STPG2: variants seen among roughly 807,000 people sequenced by gnomAD.
STPG2 encodes the protein sperm tail PG-rich repeat containing 2.
A neutral mutation model predicts 54.2 loss-of-function variants in STPG2; 56 were observed. The observed-to-expected ratio is 1.03, with a 90% CI of 0.83 to 1.29. STPG2 has a LOEUF of 1.29. STPG2 is among the 50% of genes most tolerant of loss of function. The pLI is 0.00. For synonymous variants in STPG2, 200 were observed against 181.8 expected (o/e 1.10, Z -0.81); for missense variants, 596 against 544.9 (o/e 1.09, Z -0.93).
intron 10 of STPG2, among the ~76,000 whole-genome samples, chr4:97,680,579 G>A (rs1723001746): frequency 2.0e-5 from 3 of 152,064 alleles, no homozygotes; most frequent in East Asian, 3.9e-4. Flanking sequence ...CTGCAAACAG[G>A]GACAATTAGA....
At chr4:97,590,424 T>G (rs1466960621) in intron 10 of STPG2, among the ~76,000 whole-genome samples, 1 of 151,952 alleles carries the variant, frequency 6.6e-6, no homozygotes, top group African/African-American at 2.4e-5. Context: ...AAAGGGTAAA[T>G]TAGAAGGTAT....
rs1317088287 is a variant in STPG2 at position 97,669,788 on chromosome 4, G to A, written c.1320+42911C>T. ...TCCGCAGTCCGGCCTGGGCAACAGA[G>A]CGAGACTCCGTCTCAAAAAAAAAAA... is the stretch of plus-strand genomic sequence containing the variant. On this transcript the variant is annotated intron_variant, in intron 10 of 10. Transcript: ENST00000295268. Among the ~76,000 whole-genome samples, 7 of 25,720 alleles carry A rather than the reference G, an allele frequency of 2.7e-4. 3 individuals carry two copies. The highest frequency in any genetic ancestry group is 1.7e-3 in the African/African-American group (7 of 4,190). 16.9% of individuals were successfully genotyped at this position (25,720 alleles called of 152,430 possible).
In STPG2 at chr4:97,852,974, T is replaced by C. The variant is rs1009296311; in HGVS notation, c.1045-12042A>G. Among the ~76,000 whole-genome samples the C allele has an allele frequency of 4.8e-3, 572 of 119,328 alleles. 6 individuals are homozygous for C. Among genetic ancestry groups the C allele is most frequent in the African/African-American group, 0.018 (534 of 30,352 alleles). 78.3% of individuals were successfully genotyped at this position (119,328 alleles called of 152,430 possible). Reference sequence around the variant, plus strand: ...TATAAATTAACATATTTTCTTTTTTTTTTTTTTTTTTTTTTTTTTTGAGAC... The same window carrying C: ...TATAAATTAACATATTTTCTTTTTTCTTTTTTTTTTTTTTTTTTTTGAGAC... On this transcript the variant is annotated intron_variant, in intron 8 of 10. Coordinates refer to ENST00000295268, the MANE Select transcript of STPG2 (RefSeq NM_174952.3).
At chr4:97,501,959 G>T (rs1730734675) in intron 4 of STPG2, among the ~76,000 whole-genome samples, 1 of 151,772 alleles carries the variant, frequency 6.6e-6, no homozygotes, top group Admixed American at 6.6e-5. Flanking sequence ...GGATAGATTA[G>T]AAATAGCAAG....
At chr4:98,129,478 T>C (rs1739923299) in intron 2 of STPG2, among the ~76,000 whole-genome samples, 1 of 151,990 alleles carries the variant, frequency 6.6e-6, no homozygotes, top group Non-Finnish European at 1.5e-5. Context: ...TATAGCTAAG[T>C]TATGTGAAAT....
intron 8 of STPG2, among the ~76,000 whole-genome samples, chr4:97,847,347 TAGAA>T (rs1305273813): frequency 2.6e-5 from 4 of 152,234 alleles, no homozygotes; most frequent in East Asian, 1.9e-4. Context: ...ATACATGACT[TAGAA>T]AGGAATGTGT....
At chr4:98,014,165 T>C (rs184451649) in intron 5 of STPG2, among the ~76,000 whole-genome samples, 169 of 152,316 alleles carry the variant, frequency 1.1e-3, no homozygotes, top group African/African-American at 3.9e-3. Flanking sequence ...TTCTGGTACA[T>C]TGTCTCTTTG....
At chr4:98,006,575 G>A (rs2098936) in intron 5 of STPG2, among the ~76,000 whole-genome samples, 11,570 of 152,226 alleles carry the variant, frequency 0.076, 491 homozygotes, top group African/African-American at 0.1. Flanking sequence ...TTGGAGTGTT[G>A]GGTCTGGAGC....
chr4:97,965,959 T>A (rs1228577784), intron 7 of STPG2, among the ~76,000 whole-genome samples: 3 of 152,116 alleles, frequency 2.0e-5, no homozygotes, highest in Non-Finnish European at 4.4e-5. Context: ...GTGCCTCTTC[T>A]CCTCTAAAGG....
At chr4:97,502,017 G>C (rs1331878014) in intron 4 of STPG2, among the ~76,000 whole-genome samples, 1 of 151,826 alleles carries the variant, frequency 6.6e-6, no homozygotes, top group Non-Finnish European at 1.5e-5. Flanking sequence ...ATAAAGAAAA[G>C]ATTCAAAGCA....
intron 4 of STPG2, chr4:97,441,670 C>CT (rs1266935916): frequency 6.6e-6 from 1 of 151,918 alleles, no homozygotes; most frequent in Non-Finnish European, 1.5e-5. Flanking sequence ...ACAAAATACT[C>CT]TTTTTTTCTA....
chr4:97,616,092 A>ATATATATATATATATATATATG (rs764342142), intron 10 of STPG2, among the ~76,000 whole-genome samples: 11 of 63,230 alleles, frequency 1.7e-4, no homozygotes, highest in Admixed American at 5.2e-4. Flanking sequence ...ATATATATAT[A>ATATATATATATATATATATATG]TATGTATGTA....
chr4:97,950,639 C>T (rs1489086713), intron 7 of STPG2, among the ~76,000 whole-genome samples: 1 of 152,150 alleles, frequency 6.6e-6, no homozygotes, highest in Non-Finnish European at 1.5e-5. Flanking sequence ...GTGAAACTGC[C>T]ATTGCAAAAT....
chr4:97,563,534 T>A (rs553474005), intron 10 of STPG2, among the ~76,000 whole-genome samples: 1 of 152,184 alleles, frequency 6.6e-6, no homozygotes, highest in Admixed American at 6.5e-5. Context: ...TGATGTTAGG[T>A]TGTCAATTTT....
intron 6 of STPG2, among the ~76,000 whole-genome samples, chr4:97,973,504 G>T (rs984602681): frequency 6.6e-6 from 1 of 152,202 alleles, no homozygotes; most frequent in Non-Finnish European, 1.5e-5. Flanking sequence ...AATTCAAGCT[G>T]GCTGCAGAAA....
rs1232897496 is a variant in STPG2 at position 97,544,192 on chromosome 4, A to G, written c.462+168507T>C. Among the ~76,000 whole-genome samples, 5 of 152,252 alleles carry G rather than the reference A, an allele frequency of 3.3e-5. No homozygotes were observed. The East Asian group carries it at 9.6e-4, about 29-fold the overall frequency. The stretch of plus-strand genomic sequence containing the variant: ...TAAAGATACAATTCCAGTTAATTAC[A>G]TTACAAGTATCTCAGAATGCATGAT... On this transcript the variant is annotated intron_variant, in intron 4 of 4. Coordinates refer to the STPG2 transcript ENST00000522676.
At chr4:97,928,085 CT>C (rs1191747943) in intron 8 of STPG2, among the ~76,000 whole-genome samples, 1 of 152,144 alleles carries the variant, frequency 6.6e-6, no homozygotes, top group Admixed American at 6.5e-5. Context: ...TTGCATTTCA[CT>C]TTTAACCTGC....
At chr4:97,809,555 G>A (rs1423905966) in intron 9 of STPG2, among the ~76,000 whole-genome samples, 4 of 152,158 alleles carry the variant, frequency 2.6e-5, no homozygotes, top group Admixed American at 2.0e-4. Flanking sequence ...GCATGAGAAC[G>A]ATTTGATGTG....
chr4:98,013,047 C>T (rs13146909), intron 5 of STPG2, among the ~76,000 whole-genome samples: 60,010 of 152,060 alleles, frequency 0.39, 12,072 homozygotes, highest in Middle Eastern at 0.46. Flanking sequence ...AAGGGAATGC[C>T]TCCAACTTTT....
Sources: gnomAD v4.1 joint callset for allele counts (sites outside exome capture counted in the v4.1 genomes callset) on GRCh38, gnomAD v4.1.1 for gene constraint, MANE v1.5 for transcripts, NCBI Gene and HGNC (gene_info 2026-07-23, HGNC 2026-07-21) for gene names.